Variants in ZNF671 observed in about 807,000 individuals in gnomAD.
The protein encoded by ZNF671 is zinc finger protein 671.
In ZNF671, 19 loss-of-function variants were observed where a neutral mutation model predicts 16.6. The observed-to-expected ratio is 1.14, with a 90% CI of 0.80 to 1.68. ZNF671 has a LOEUF of 1.68. Among genes scored for constraint, ZNF671 ranks in the 40% most tolerant of loss-of-function variants. ZNF671 has a pLI of 0.00. For synonymous variants in ZNF671, 238 were observed against 236.3 expected, an observed-to-expected ratio of 1.01 and a Z score of -0.06; for missense variants, 637 against 659.8, an observed-to-expected ratio of 0.97 and a Z score of 0.38.
In ZNF671 at chr19:57,727,394, CGCGGA is replaced by C; in HGVS notation, c.130_134del (p.Ser44AlafsTer7). 1 of 1,598,660 alleles carries C rather than the reference CGCGGA, an allele frequency of 6.3e-7. No homozygotes were observed. The highest frequency in any genetic ancestry group is 8.6e-7 in the Non-Finnish European group (1 of 1,168,964). On this transcript the variant is annotated frameshift_variant, in exon 1 of 4. Coordinates refer to ENST00000317398, the MANE Select transcript of ZNF671 (RefSeq NM_024833.3). LOFTEE classifies it high-confidence loss of function. ...GCCCGGAGGACGCAGCACCCACCCG[CGCGGA>C]GTCCGTTAGCTCCGCCATAGGACCG...
intron 1 of ZNF671, among the ~76,000 whole-genome samples, chr19:57,726,651 C>T (rs1042268729): frequency 6.6e-6 from 1 of 152,162 alleles, no homozygotes; most frequent in Non-Finnish European, 1.5e-5. Flanking sequence ...CCGCTCCCTT[C>T]ACCCCAAAGA....
chr19:57,723,891 A>G (rs1290965095), intron 1 of ZNF671, among the ~76,000 whole-genome samples: 1 of 151,830 alleles, frequency 6.6e-6, no homozygotes, highest in Non-Finnish European at 1.5e-5. Flanking sequence ...AAAAAATACA[A>G]AAATTAGCTG....
chr19:57,723,720 T>TC (rs1246984414), intron 1 of ZNF671, among the ~76,000 whole-genome samples: 3 of 150,668 alleles, frequency 2.0e-5, no homozygotes, highest in Non-Finnish European at 4.4e-5. Context: ...ATCTCCAGCT[T>TC]CCCCCCCACC....
At chr19:57,723,102 T>C in intron 2 of ZNF671, 112 bp downstream of exon 2, 1 of 1,419,974 alleles carries the variant, frequency 7.0e-7, no homozygotes. Context: ...CCATACAGCT[T>C]AGCCCTGGCA....
Position 57,720,303 on chromosome 19 carries a change from C to T in ZNF671, c.*178G>A, listed in dbSNP as rs1985803538. The T allele has an allele frequency of 3.5e-6, 3 of 865,278 alleles. No individual in the cohort carries two copies. In the East Asian group the frequency reaches 7.3e-5, roughly 21 times the overall value. The allele number at this position is 865,278 out of a possible 1,614,324, so 53.6% of individuals were successfully genotyped here. On this transcript the variant is annotated 3_prime_UTR_variant, in exon 4 of 4. Coordinates refer to ENST00000317398, the MANE Select transcript of ZNF671 (RefSeq NM_024833.3). ...GAGCTGTTGGGCTGAACAGAGACAG[C>T]ACATTGCTTAGACTGCTAAGGCCTG...
At chr19:57,721,817 G>GGCATGGTCAGAGT in intron 3 of ZNF671, 120 bp from the exon 4 acceptor site, 1 of 1,368,700 alleles carries the variant, frequency 7.3e-7, no homozygotes, top group Non-Finnish European at 9.9e-7. Flanking sequence ...CAGAATGAGA[G>GGCATGGTCAGAGT]GCATGGTCAG....
chr19:57,720,458 T>C lies in ZNF671; in HGVS notation c.*23A>G, dbSNP rs1181655809. ...TAAGTCAGGGGCATTGGCCTAAGACTTTCCCCCACATTTGCTACACTCTTA... is the reference window on the plus strand; with the variant it reads ...TAAGTCAGGGGCATTGGCCTAAGACCTTCCCCCACATTTGCTACACTCTTA... On this transcript the variant is annotated 3_prime_UTR_variant, in exon 4 of 4. Coordinates refer to ENST00000317398, the MANE Select transcript of ZNF671 (RefSeq NM_024833.3). 6.2e-7 allele frequency: 1 copy of C among 1,602,668 alleles called. No individual in the cohort carries two copies. The highest frequency in any genetic ancestry group is 8.5e-7 in the Non-Finnish European group (1 of 1,171,994).
chr19:57,721,402 A>G lies in ZNF671; in HGVS notation c.684T>C (p.Ser228=). The G allele has an allele frequency of 6.2e-7, 1 of 1,614,222 alleles. No homozygotes were observed. The highest frequency in any genetic ancestry group is 1.1e-5 in the South Asian group (1 of 91,086). The change falls in exon 4 of 4, where the codon TCT becomes TCC. Residue 228 remains serine (S), a synonymous_variant. Coordinates refer to ENST00000317398, the MANE Select transcript of ZNF671 (RefSeq NM_024833.3). ...GCACATGGACTCTGCAGCTTTTCACAGAGTCTCTGCCCTCCTTCCTTGGGA... is the reference window on the plus strand; with the variant it reads ...GCACATGGACTCTGCAGCTTTTCACGGAGTCTCTGCCCTCCTTCCTTGGGA... ...KLFPRKEGRD[S]VKSCRVHVPE... is the part of the protein sequence containing the mutation.
intron 1 of ZNF671, among the ~76,000 whole-genome samples, chr19:57,723,568 G>A (rs1985946673): frequency 6.6e-6 from 1 of 152,058 alleles, no homozygotes; most frequent in Non-Finnish European, 1.5e-5. Flanking sequence ...CTCTGAGCCA[G>A]CCAACTCCCC....
In ZNF671 at chr19:57,727,590, C is replaced by G. The variant is rs1986097668; in HGVS notation, c.-62G>C. 8 of 1,549,176 alleles carry G rather than the reference C, an allele frequency of 5.2e-6. 1 individual carries two copies. The South Asian group carries it at 8.3e-5, about 16-fold the overall frequency. ...CACACAAGCGTTACAGAACCCCGGC[C>G]AGGGACAGCCTGACAGAAACAAAAT... On this transcript the variant is annotated 5_prime_UTR_variant, in exon 1 of 4. Transcript: ENST00000317398.
intron 1 of ZNF671, 62 bp from the exon 2 acceptor site, chr19:57,723,402 C>A: frequency 6.5e-7 from 1 of 1,535,344 alleles, no homozygotes; most frequent in South Asian, 1.3e-5. Flanking sequence ...CCCAGTCTAC[C>A]TACCCACAAC....
chr19:57,727,190 C>T, intron 1 of ZNF671: 1 of 593,904 alleles, frequency 1.7e-6, no homozygotes, highest in Non-Finnish European at 2.8e-6. Flanking sequence ...ACCCTGTCTC[C>T]CAAATGTTTG....
At position 57,720,867 on chromosome 19, in the gene ZNF671, T is replaced by G; in HGVS notation, c.1219A>C (p.Ser407Arg). Residue 407 changes from serine to arginine, a missense_variant, in exon 4 of 4, where the codon AGT becomes CGT. Coordinates refer to ENST00000317398, the MANE Select transcript of ZNF671 (RefSeq NM_024833.3). ...YVCSECGKEF[S>R]RKHTLVLHQR... ...TGCAGAACAAGTGTGTGTTTCCGAC[T>G]GAACTCTTTCCCACATTCGCTGCAT... The G allele has an allele frequency of 6.2e-7, 1 of 1,614,204 alleles. No homozygotes were observed. The highest frequency in any genetic ancestry group is 8.5e-7 in the Non-Finnish European group (1 of 1,180,036).
At position 57,725,327 on chromosome 19, in the gene ZNF671, G is replaced by A. The variant is rs147118587; in HGVS notation, c.139-1987C>T. ...AAAAATACAAACAAATTAGCTGGGC[G>A]TGGTGGCGGGTGCCTGTAATTCCAG... On this transcript the variant is annotated intron_variant, in intron 1 of 3. Coordinates refer to ENST00000317398, the MANE Select transcript of ZNF671 (RefSeq NM_024833.3). Among the ~76,000 whole-genome samples the A allele has an allele frequency of 1.7e-3, 255 of 152,016 alleles. 1 individual carries two copies. The highest frequency in any genetic ancestry group is 5.8e-3 in the African/African-American group (241 of 41,466).
At chr19:57,722,191 C>G in intron 3 of ZNF671, 125 bp downstream of exon 3, 2 of 1,439,026 alleles carry the variant, frequency 1.4e-6, no homozygotes, top group South Asian at 1.4e-5. Flanking sequence ...GTGTCAAGAA[C>G]AGGAAAGGAC....
chr19:57,725,949 A>G (rs1346675927), intron 1 of ZNF671, among the ~76,000 whole-genome samples: 1 of 152,098 alleles, frequency 6.6e-6, no homozygotes, highest in African/African-American at 2.4e-5. Flanking sequence ...AAAAATAAAT[A>G]AATAAAATAA....
intron 2 of ZNF671, 103 bp from the exon 3 acceptor site, chr19:57,722,541 G>A (rs1376938503): frequency 4.5e-6 from 7 of 1,543,036 alleles, no homozygotes; most frequent in Non-Finnish European, 6.1e-6. Flanking sequence ...AGTTGTGCAG[G>A]AATAACCCAA....
Position 57,727,493 on chromosome 19 carries a change from A to C in ZNF671, c.36T>G (p.Ala12=). The C allele has an allele frequency of 6.2e-7, 1 of 1,612,840 alleles. No individual in the cohort carries two copies. The highest frequency in any genetic ancestry group is 8.5e-7 in the Non-Finnish European group (1 of 1,179,338). The change falls in exon 1 of 4, where the codon GCT becomes GCG. Residue 12 remains alanine, a synonymous_variant. Transcript: ENST00000317398. ...GACGCAGGCACTTCCGTCCCTGCAG[A>C]GCATCAGACGCGTCTCGGGACACTG... is the stretch of plus-strand genomic sequence containing the variant. ...LSPVSRDASD[A]LQGRKCLRPR... is the part of the protein sequence containing the mutation.
Position 57,723,200 on chromosome 19 carries a change from C to A in ZNF671, c.265+14G>T. ...GAACAGAGTGGTAAAGGCAGAAAAG[C>A]ATGAGGACCTTACCCAGTGAGGCTA... On this transcript the variant is annotated intron_variant, in intron 2 of 3. Coordinates refer to ENST00000317398, the MANE Select transcript of ZNF671 (RefSeq NM_024833.3). 1 of 1,601,366 alleles carries A rather than the reference C, an allele frequency of 6.2e-7. No homozygotes were observed. Among genetic ancestry groups the A allele is most frequent in the Non-Finnish European group, 8.5e-7 (1 of 1,173,120 alleles).
Sources: allele counts gnomAD v4.1 joint callset (sites outside exome capture counted in the v4.1 genomes callset), GRCh38; gene constraint gnomAD v4.1.1; transcripts MANE v1.5; gene names NCBI Gene and HGNC (gene_info 2026-07-23, HGNC 2026-07-21).